The following ADAMTS12 variants were observed in gnomAD, a reference collection of about 807,000 sequenced individuals.
The protein encoded by ADAMTS12 is A disintegrin and metalloproteinase with thrombospondin motifs 12.
ADAMTS12 carries 118 observed loss-of-function variants against 167.8 expected under a neutral mutation model. The observed-to-expected ratio is 0.70, with a 90% CI of 0.61 to 0.82. ADAMTS12 has a LOEUF of 0.82. Among genes scored for constraint, ADAMTS12 ranks in the 40% least tolerant of loss-of-function variants. The pLI is 0.00. For synonymous variants in ADAMTS12, 704 were observed against 716.9 expected (o/e 0.98, Z 0.29); for missense variants, 1,916 against 1,998.8 (o/e 0.96, Z 0.79).
intron 2 of ADAMTS12, among the ~76,000 whole-genome samples, chr5:33,769,356 T>C (rs1186652565): frequency 6.6e-6 from 1 of 152,140 alleles, no homozygotes; most frequent in Non-Finnish European, 1.5e-5. Flanking sequence ...CAAGTACAAA[T>C]GGAGGGACCG....
chr5:33,686,370 T>C lies in ADAMTS12; in HGVS notation c.635-2315A>G, dbSNP rs1032943924. Among the ~76,000 whole-genome samples, 13 of 152,264 alleles carry C rather than the reference T, an allele frequency of 8.5e-5. No homozygotes were observed. The East Asian group carries it at 2.3e-3, about 27-fold the overall frequency. ...CAGCCTCAGTCCCCACCCTCAGATA[T>C]CTACCGTTAGGTGCTAGCAGGAAGC... On this transcript the variant is annotated intron_variant, in intron 3 of 23. Transcript: ENST00000504830.
At position 33,711,145 on chromosome 5, in the gene ADAMTS12, G is replaced by A. The variant is rs750582330; in HGVS notation, c.635-27090C>T. 7.5e-4 allele frequency among the ~76,000 whole-genome samples: 114 copies of A among 152,016 alleles called. 1 individual carries two copies. The highest frequency in any genetic ancestry group is 1.4e-3 in the Non-Finnish European group (96 of 67,996). On this transcript the variant is annotated intron_variant, in intron 3 of 23. Coordinates refer to ENST00000504830, the MANE Select transcript of ADAMTS12 (RefSeq NM_030955.4). ...ATCACCAGCTCGGGACCTCAACAATGCCTTTTACACAGAACTCACAACCCA... is the reference window on the plus strand; with the variant it reads ...ATCACCAGCTCGGGACCTCAACAATACCTTTTACACAGAACTCACAACCCA...
At position 33,614,238 on chromosome 5, in the gene ADAMTS12, C is replaced by T; in HGVS notation, c.2527G>A (p.Gly843Ser). The T allele has an allele frequency of 6.2e-7, 1 of 1,613,362 alleles. No homozygotes were observed. Among genetic ancestry groups the T allele is most frequent in the Non-Finnish European group, 8.5e-7 (1 of 1,179,670 alleles). ...WTECSVTCGT[G>S]IRRQTAHCIK... is the part of the protein sequence containing the mutation. ...CATAGTGAGAGCAGCTGTTTCTCAC[C>T]TGTCCCGCAGGTCACACTGCACTCT... is the stretch of plus-strand genomic sequence containing the variant. Residue 843 changes from glycine to serine, a missense_variant and splice_region_variant, in exon 16 of 24, where the codon GGT becomes AGT. Transcript: ENST00000504830.
chr5:33,751,913 T>C (rs1349802098), intron 2 of ADAMTS12, among the ~76,000 whole-genome samples: 1 of 152,214 alleles, frequency 6.6e-6, no homozygotes. Flanking sequence ...TGTTCTATTA[T>C]GGAGTTGGGA....
At chr5:33,547,377 C>G (rs1745035164) in intron 21 of ADAMTS12, among the ~76,000 whole-genome samples, 3 of 152,132 alleles carry the variant, frequency 2.0e-5, no homozygotes, top group Admixed American at 2.0e-4. Context: ...TTGACAAGCC[C>G]TCCAGGTTGT....
intron 2 of ADAMTS12, among the ~76,000 whole-genome samples, chr5:33,857,995 A>C (rs1275132954): frequency 1.3e-5 from 2 of 152,254 alleles, no homozygotes; most frequent in Non-Finnish European, 2.9e-5. Context: ...AAAGAATTCA[A>C]CAAGACCATC....
intron 2 of ADAMTS12, among the ~76,000 whole-genome samples, chr5:33,761,418 G>C (rs1306778026): frequency 2.0e-5 from 3 of 152,226 alleles, no homozygotes; most frequent in African/African-American, 7.2e-5. Context: ...TTGTGGCAGA[G>C]GGGAATGCCA....
intron 3 of ADAMTS12, among the ~76,000 whole-genome samples, chr5:33,744,106 C>T (rs1342253071): frequency 2.6e-5 from 4 of 152,208 alleles, no homozygotes; most frequent in African/African-American, 9.7e-5. Flanking sequence ...GGAACTCTGA[C>T]AGATCTTGGG....
chr5:33,888,336 C>G (rs1750713669), intron 1 of ADAMTS12, among the ~76,000 whole-genome samples: 1 of 152,110 alleles, frequency 6.6e-6, no homozygotes, highest in African/African-American at 2.4e-5. Context: ...GAAATTTACA[C>G]ATGTTGGAAT....
chr5:33,620,949 C>T (rs1739294064), intron 14 of ADAMTS12, among the ~76,000 whole-genome samples: 1 of 152,190 alleles, frequency 6.6e-6, no homozygotes, highest in African/African-American at 2.4e-5. Context: ...ACTATATTTG[C>T]TTAGCAAATC....
intron 2 of ADAMTS12, among the ~76,000 whole-genome samples, chr5:33,814,577 G>GA (rs1386982934): frequency 6.6e-6 from 1 of 152,144 alleles, no homozygotes; most frequent in Non-Finnish European, 1.5e-5. Context: ...TTGGTTTTCT[G>GA]AAAAGCCAAT....
chr5:33,753,706 C>T (rs1745077113), intron 2 of ADAMTS12, among the ~76,000 whole-genome samples: 1 of 152,124 alleles, frequency 6.6e-6, no homozygotes, highest in Non-Finnish European at 1.5e-5. Flanking sequence ...CACTTGAGGA[C>T]ATAATAACCA....
chr5:33,768,307 A>G (rs574736907), intron 2 of ADAMTS12, among the ~76,000 whole-genome samples: 8 of 152,202 alleles, frequency 5.3e-5, no homozygotes, highest in Non-Finnish European at 1.0e-4. Context: ...TTTGAAACCC[A>G]TAACTCTAAA....
At chr5:33,631,571 C>T (rs532900011) in intron 12 of ADAMTS12, among the ~76,000 whole-genome samples, 2 of 152,270 alleles carry the variant, frequency 1.3e-5, no homozygotes, top group South Asian at 4.1e-4. Flanking sequence ...CAGTTTTCTA[C>T]TCCATTGTGA....
intron 3 of ADAMTS12, among the ~76,000 whole-genome samples, chr5:33,725,219 G>C (rs1461799172): frequency 6.6e-6 from 1 of 152,166 alleles, no homozygotes; most frequent in East Asian, 1.9e-4. Context: ...ACTGAGCTGG[G>C]TGATCTCTAA....
At chr5:33,835,945 CTCTCTCTCTGTGTGTGTG>C (rs1416066752) in intron 2 of ADAMTS12, among the ~76,000 whole-genome samples, 1 of 41,962 alleles carries the variant, frequency 2.4e-5, no homozygotes, top group South Asian at 1.2e-3. Context: ...CTCTCTCTCT[CTCTCTCTCTGTGTGTGTG>C]TGTGTGTCCA....
At chr5:33,566,870 G>A (rs1746039905) in intron 19 of ADAMTS12, among the ~76,000 whole-genome samples, 1 of 152,184 alleles carries the variant, frequency 6.6e-6, no homozygotes, top group East Asian at 1.9e-4. Context: ...ACAACTTCCT[G>A]CAGGAGTGCC....
At chr5:33,573,236 T>A (rs201677713) in intron 19 of ADAMTS12, among the ~76,000 whole-genome samples, 616 of 125,782 alleles carry the variant, frequency 4.9e-3, no homozygotes, top group African/African-American at 6.9e-3. Context: ...CTTCACAGAA[T>A]TGGAAAAAAC....
chr5:33,540,952 C>A (rs1744664465), intron 22 of ADAMTS12, among the ~76,000 whole-genome samples: 1 of 152,180 alleles, frequency 6.6e-6, no homozygotes, highest in Non-Finnish European at 1.5e-5. Flanking sequence ...AGCTCCTCAC[C>A]AGCACTGGAA....
Sources: allele counts gnomAD v4.1 joint callset (sites outside exome capture counted in the v4.1 genomes callset), GRCh38; gene constraint gnomAD v4.1.1; transcripts MANE v1.5; gene names NCBI Gene and HGNC (gene_info 2026-07-23, HGNC 2026-07-21).